PCDH15: variants seen among roughly 807,000 people sequenced by gnomAD.
PCDH15 encodes protocadherin related 15.
In PCDH15, 129 loss-of-function variants were observed where a neutral mutation model predicts 178.5. That is an observed-to-expected ratio of 0.72 (90% CI 0.63 to 0.84). PCDH15 has a LOEUF of 0.84. Ranked by LOEUF, PCDH15 falls within the 40% of genes least tolerant of loss-of-function variation. PCDH15 has a pLI of 0.00. For missense variants in PCDH15, 2,230 were observed against 2,099.9 expected (o/e 1.06, Z -1.21); for synonymous variants, 800 against 732.0 (o/e 1.09, Z -1.50).
chr10:54,959,297 T>A (rs892611548), intron 2 of PCDH15, among the ~76,000 whole-genome samples: 2 of 151,938 alleles, frequency 1.3e-5, no homozygotes, highest in Non-Finnish European at 2.9e-5. Context: ...TACAAAGACC[T>A]GTATTACTTT....
At chr10:53,932,335 G>T (rs941877664) in intron 25 of PCDH15, among the ~76,000 whole-genome samples, 1 of 152,174 alleles carries the variant, frequency 6.6e-6, no homozygotes, top group Non-Finnish European at 1.5e-5. Context: ...TGCAGGCAAA[G>T]AACAGTCACA....
At chr10:54,488,542 C>T (rs1349854885) in intron 3 of PCDH15, among the ~76,000 whole-genome samples, 1 of 151,744 alleles carries the variant, frequency 6.6e-6, no homozygotes, top group East Asian at 1.9e-4. Flanking sequence ...CCCCATTTCA[C>T]TCCATGATGT....
At chr10:55,530,009 C>T (rs1841414660) in intron 2 of PCDH15, among the ~76,000 whole-genome samples, 1 of 151,270 alleles carries the variant, frequency 6.6e-6, no homozygotes, top group Non-Finnish European at 1.5e-5. Flanking sequence ...TACCTGAGTG[C>T]AATAGGAGTA....
intron 1 of PCDH15, among the ~76,000 whole-genome samples, chr10:54,749,702 G>T (rs549273997): frequency 6.6e-6 from 1 of 152,228 alleles, no homozygotes; most frequent in East Asian, 1.9e-4. Context: ...TATTGGATTT[G>T]ATTTTACCTT....
chr10:55,289,935 C>A (rs1206814980), intron 1 of PCDH15, among the ~76,000 whole-genome samples: 1 of 150,200 alleles, frequency 6.7e-6, no homozygotes, highest in East Asian at 1.9e-4. Flanking sequence ...CTGGCTGCCT[C>A]TGTGATTTCC....
At chr10:54,025,476 T>C (rs2093053957) in intron 18 of PCDH15, among the ~76,000 whole-genome samples, 1 of 151,342 alleles carries the variant, frequency 6.6e-6, no homozygotes, top group South Asian at 2.1e-4. Context: ...CCCATATCCC[T>C]TGGTTCATGA....
At chr10:55,151,513 T>A (rs1444664) in intron 2 of PCDH15, among the ~76,000 whole-genome samples, 137,210 of 152,080 alleles carry the variant, frequency 0.9, 62,560 homozygotes, top group Non-Finnish European at 0.97. Flanking sequence ...TAGTTAACTC[T>A]TTTCCAGTTT....
chr10:54,680,280 T>C (rs10825372), intron 1 of PCDH15, among the ~76,000 whole-genome samples: 77,283 of 151,918 alleles, frequency 0.51, 20,570 homozygotes, highest in Non-Finnish European at 0.6. Flanking sequence ...TTACTTTTTC[T>C]TTTTTCTAAA....
intron 2 of PCDH15, among the ~76,000 whole-genome samples, chr10:55,451,714 A>T (rs1195525096): frequency 6.6e-6 from 1 of 152,288 alleles, no homozygotes; most frequent in Admixed American, 6.5e-5. Context: ...ATTTTCACGG[A>T]GAAAACCTAT....
chr10:54,945,668 T>C (rs551171279), intron 2 of PCDH15, among the ~76,000 whole-genome samples: 3 of 151,906 alleles, frequency 2.0e-5, no homozygotes, highest in East Asian at 1.9e-4. Flanking sequence ...CTCTAAACAG[T>C]AGCCTTTCTA....
At chr10:54,918,882 A>C (rs1268343413) in intron 2 of PCDH15, among the ~76,000 whole-genome samples, 1 of 152,172 alleles carries the variant, frequency 6.6e-6, no homozygotes, top group Non-Finnish European at 1.5e-5. Context: ...AATATGCTGA[A>C]TACACCAAAC....
chr10:55,576,759 T>A (rs1842504173), intron 2 of PCDH15, among the ~76,000 whole-genome samples: 1 of 151,332 alleles, frequency 6.6e-6, no homozygotes, highest in African/African-American at 2.4e-5. Flanking sequence ...AATGAAAACA[T>A]AGAGTTGGAC....
chr10:54,194,206 G>GA (rs1307827743), intron 11 of PCDH15, among the ~76,000 whole-genome samples: 4 of 138,396 alleles, frequency 2.9e-5, no homozygotes, highest in African/African-American at 9.8e-5. Context: ...TATTTAGAAA[G>GA]AGAAAAAAAA....
At chr10:55,130,680 CGTGTGTGTGTGTGTGT>C (rs72055158) in intron 2 of PCDH15, among the ~76,000 whole-genome samples, 12 of 146,328 alleles carry the variant, frequency 8.2e-5, no homozygotes, top group Admixed American at 2.0e-4. Context: ...CACACATACA[CGTGTGTGTGTGTGTGT>C]GTGTGTGTGT....
Position 55,248,661 on chromosome 10 carries a change from A to G in PCDH15, c.-156+70938T>C, listed in dbSNP as rs560682437. Among the ~76,000 whole-genome samples the G allele has an allele frequency of 9.9e-5, 15 of 152,176 alleles. 1 individual carries two copies. In the South Asian group the frequency reaches 3.1e-3, roughly 32 times the overall value. ...CTGCAACCTCCACGTAGTTCTAGTGATTCTTGTGACTCAGCCTCCCAAGTA... is the reference window on the plus strand; with the variant it reads ...CTGCAACCTCCACGTAGTTCTAGTGGTTCTTGTGACTCAGCCTCCCAAGTA... On this transcript the variant is annotated intron_variant, in intron 1 of 5. Transcript: ENST00000458638.
At chr10:54,911,034 G>C (rs1012580066) in intron 2 of PCDH15, among the ~76,000 whole-genome samples, 2 of 152,198 alleles carry the variant, frequency 1.3e-5, no homozygotes, top group Non-Finnish European at 2.9e-5. Flanking sequence ...TGGTTGACAA[G>C]AATGGAATGA....
At chr10:54,545,359 A>G (rs745436689) in intron 2 of PCDH15, among the ~76,000 whole-genome samples, 12 of 152,186 alleles carry the variant, frequency 7.9e-5, no homozygotes, top group Non-Finnish European at 1.8e-4. Context: ...TATGCAATGT[A>G]TTTTAGAAAG....
chr10:54,383,248 A>G (rs1312340281), intron 3 of PCDH15, among the ~76,000 whole-genome samples: 8 of 152,160 alleles, frequency 5.3e-5, no homozygotes, highest in Admixed American at 5.2e-4. Context: ...AGAAAAAAAA[A>G]AGACTATGTA....
chr10:54,540,912 C>T (rs913842832), intron 2 of PCDH15, among the ~76,000 whole-genome samples: 5 of 152,026 alleles, frequency 3.3e-5, no homozygotes, highest in East Asian at 3.9e-4. Context: ...AAAAACTATA[C>T]GATAATCCCA....
Sources: gnomAD v4.1 joint callset for allele counts (sites outside exome capture counted in the v4.1 genomes callset) on GRCh38, gnomAD v4.1.1 for gene constraint, MANE v1.5 for transcripts, NCBI Gene and HGNC (gene_info 2026-07-23, HGNC 2026-07-21) for gene names.